LDLRAD4: variants seen among roughly 807,000 people sequenced by gnomAD.
LDLRAD4 encodes the protein low-density lipoprotein receptor class A domain-containing protein 4.
A neutral mutation model predicts 17.0 loss-of-function variants in LDLRAD4; 5 were observed. The ratio of observed to expected loss-of-function variants is 0.29; its 90% CI spans 0.15 to 0.62. The LOEUF is 0.62. Among genes scored for constraint, LDLRAD4 ranks in the 20% least tolerant of loss-of-function variants. The pLI, the probability that LDLRAD4 is intolerant of heterozygous loss-of-function variation, is 0.84. For missense variants in LDLRAD4, 340 were observed against 424.7 expected, an observed-to-expected ratio of 0.80 and a Z score of 1.75; for synonymous variants, 168 against 171.8, an observed-to-expected ratio of 0.98 and a Z score of 0.17.
At chr18:13,296,611 A>C (rs1045153783) in intron 1 of LDLRAD4, among the ~76,000 whole-genome samples, 3 of 151,210 alleles carry the variant, frequency 2.0e-5, no homozygotes, top group African/African-American at 7.3e-5. Flanking sequence ...TCTTAGGCTC[A>C]AGCAATCCTC....
At chr18:13,473,454 A>G (rs1380612288) in intron 3 of LDLRAD4, among the ~76,000 whole-genome samples, 1 of 151,810 alleles carries the variant, frequency 6.6e-6, no homozygotes, top group Non-Finnish European at 1.5e-5. Context: ...ATGATAGCTT[A>G]AGGCCAGGAG....
At chr18:13,589,667 T>C (rs1355161245) in intron 3 of LDLRAD4, among the ~76,000 whole-genome samples, 1 of 152,094 alleles carries the variant, frequency 6.6e-6, no homozygotes, top group Non-Finnish European at 1.5e-5. Flanking sequence ...CAGTGTCCCC[T>C]TAGGCATGGC....
intron 2 of LDLRAD4, among the ~76,000 whole-genome samples, chr18:13,414,736 G>C (rs537691777): frequency 6.6e-6 from 1 of 152,204 alleles, no homozygotes; most frequent in Non-Finnish European, 1.5e-5. Context: ...TGGGGAGCTC[G>C]AGAAGGAGAA....
intron 1 of LDLRAD4, among the ~76,000 whole-genome samples, chr18:13,226,143 C>T (rs1486207761): frequency 1.4e-5 from 2 of 143,182 alleles, no homozygotes; most frequent in Non-Finnish European, 3.0e-5. Flanking sequence ...CCCTCAGCCT[C>T]CTAAGTATCT....
At chr18:13,328,147 T>A (rs1246297827) in intron 1 of LDLRAD4, among the ~76,000 whole-genome samples, 1 of 152,190 alleles carries the variant, frequency 6.6e-6, no homozygotes, top group African/African-American at 2.4e-5. Context: ...CTCTTCCTGA[T>A]ACAAAGCCGC....
chr18:13,482,199 G>C (rs2093106441), intron 3 of LDLRAD4, among the ~76,000 whole-genome samples: 1 of 152,312 alleles, frequency 6.6e-6, no homozygotes, highest in South Asian at 2.1e-4. Flanking sequence ...GGGCATATCA[G>C]GTGGAGAACC....
chr18:13,596,227 C>T (rs1388986212), intron 3 of LDLRAD4, among the ~76,000 whole-genome samples: 2 of 151,932 alleles, frequency 1.3e-5, no homozygotes, highest in African/African-American at 4.8e-5. Flanking sequence ...ATATCTTTTT[C>T]CATGTTTTTT....
intron 1 of LDLRAD4, among the ~76,000 whole-genome samples, chr18:13,242,285 TG>T (rs2042701835): frequency 6.6e-6 from 1 of 152,236 alleles, no homozygotes; most frequent in Non-Finnish European, 1.5e-5. Flanking sequence ...CGTCAGTGCT[TG>T]ATTTGATCAT....
chr18:13,418,520 G>A (rs1384728432), intron 2 of LDLRAD4, among the ~76,000 whole-genome samples: 3 of 152,208 alleles, frequency 2.0e-5, no homozygotes, highest in African/African-American at 4.8e-5. Context: ...CGCTGCTGTT[G>A]GCTTCTGGGT....
chr18:13,381,954 T>G (rs2085402026), intron 1 of LDLRAD4, among the ~76,000 whole-genome samples: 1 of 152,230 alleles, frequency 6.6e-6, no homozygotes, highest in Non-Finnish European at 1.5e-5. Context: ...CAGCGTTCCT[T>G]TCTCCCTGGA....
At chr18:13,603,828 G>A (rs1241677836) in intron 3 of LDLRAD4, among the ~76,000 whole-genome samples, 1 of 152,236 alleles carries the variant, frequency 6.6e-6, no homozygotes, top group African/African-American at 2.4e-5. Context: ...ATGTGAAGCA[G>A]GGACAGCAGG....
intron 4 of LDLRAD4, among the ~76,000 whole-genome samples, chr18:13,629,676 G>A (rs2041491475): frequency 6.6e-6 from 1 of 151,714 alleles, no homozygotes. Flanking sequence ...CAAATTTATA[G>A]TAATCTTTTA....
intron 1 of LDLRAD4, among the ~76,000 whole-genome samples, chr18:13,315,677 GGGA>G (rs56705512): frequency 0.35 from 52,917 of 151,036 alleles, 9,724 homozygotes; most frequent in African/African-American, 0.47. Flanking sequence ...CCAGCTACTT[GGGA>G]GGCTGAGGCA....
chr18:13,577,110 G>A (rs538541026), intron 3 of LDLRAD4, among the ~76,000 whole-genome samples: 1 of 151,940 alleles, frequency 6.6e-6, no homozygotes, highest in African/African-American at 2.4e-5. Context: ...ATTTGCATGA[G>A]GCTAGTTTTG....
intron 1 of LDLRAD4, among the ~76,000 whole-genome samples, chr18:13,366,570 A>G (rs1389700283): frequency 6.6e-6 from 1 of 152,168 alleles, no homozygotes; most frequent in Non-Finnish European, 1.5e-5. Context: ...TCTGGAATGT[A>G]TTGATTTGAT....
chr18:13,377,237 G>A (rs2084984075), intron 1 of LDLRAD4, among the ~76,000 whole-genome samples: 1 of 152,172 alleles, frequency 6.6e-6, no homozygotes. Context: ...TTTGCATTCT[G>A]TCCTTCAGAC....
At chr18:13,454,620 C>T (rs996429075) in intron 3 of LDLRAD4, among the ~76,000 whole-genome samples, 2 of 152,194 alleles carry the variant, frequency 1.3e-5, no homozygotes, top group African/African-American at 4.8e-5. Flanking sequence ...TGGCTTTGTC[C>T]ACGCTGAAGG....
At position 13,578,284 on chromosome 18, in the gene LDLRAD4, A is replaced by G. The variant is rs1280946320; in HGVS notation, c.182-42833A>G. On this transcript the variant is annotated intron_variant, in intron 3 of 5. Coordinates refer to ENST00000359446, the Ensembl canonical transcript of LDLRAD4. ...GGTGGCATCATCTGTCTGATGAATT[A>G]CCACCTTACTACTTTATTTTCTAAT... Among the ~76,000 whole-genome samples the G allele has an allele frequency of 4.6e-5, 7 of 152,312 alleles. No homozygotes were observed. In the East Asian group the frequency reaches 1.3e-3, roughly 29 times the overall value.
chr18:13,344,228 A>C (rs1440745765), intron 1 of LDLRAD4, among the ~76,000 whole-genome samples: 2 of 152,186 alleles, frequency 1.3e-5, no homozygotes, highest in Non-Finnish European at 2.9e-5. Flanking sequence ...CTAACATTTA[A>C]GTGTTTATTC....
Sources: allele counts gnomAD v4.1 joint callset (sites outside exome capture counted in the v4.1 genomes callset), GRCh38; gene constraint gnomAD v4.1.1; transcripts MANE v1.5; gene names NCBI Gene and HGNC (gene_info 2026-07-23, HGNC 2026-07-21).